The following CREBRF variants were observed in gnomAD, a reference collection of about 807,000 sequenced individuals.
CREBRF encodes CREB3 regulatory factor.
In CREBRF, 5 loss-of-function variants were observed where a neutral mutation model predicts 66.1. That is an observed-to-expected ratio of 0.08 (90% confidence interval 0.04 to 0.16). The LOEUF is 0.16. CREBRF is among the 10% of genes least tolerant of loss of function. CREBRF has a pLI of 1.00. For missense variants in CREBRF, 531 were observed against 744.9 expected, an observed-to-expected ratio of 0.71 and a Z score of 3.34; for synonymous variants, 229 against 264.4, an observed-to-expected ratio of 0.87 and a Z score of 1.30.
chr5:173,085,427 C>G, intron 2 of CREBRF: 9 of 687,146 alleles, frequency 1.3e-5, no homozygotes, highest in East Asian at 6.6e-5. Context: ...TTTTTTTTTT[C>G]TTTTTGGAGA....
At chr5:173,112,449 T>A in intron 7 of CREBRF, 70 bp downstream of exon 7, 1 of 1,132,398 alleles carries the variant, frequency 8.8e-7, no homozygotes, top group South Asian at 1.4e-5. Flanking sequence ...TTTTCTTTGG[T>A]TTGTGATTTG....
intron 7 of CREBRF, among the ~76,000 whole-genome samples, chr5:173,116,858 G>A (rs75486672): frequency 0.13 from 19,942 of 152,126 alleles, 2,214 homozygotes; most frequent in African/African-American, 0.29. Flanking sequence ...GTGTAGGAGG[G>A]TTCTAGTTGG....
chr5:173,085,321 C>G lies in CREBRF; in HGVS notation c.10-1180C>G. 4 of 1,034,254 alleles carry G rather than the reference C, an allele frequency of 3.9e-6. No homozygotes were observed. In the South Asian group the frequency reaches 5.4e-5, roughly 14 times the overall value. The allele number at this position is 1,034,254 out of a possible 1,614,324, so 64.1% of individuals were successfully genotyped here. ...GTCAACACCAGCTATGCAGAAAGGG[C>G]TCTGGAGAGATGTTCATAGCAGCAC... On this transcript the variant is annotated intron_variant, in intron 2 of 8. Transcript: ENST00000296953.
At chr5:173,078,283 G>A (rs965111471) in intron 1 of CREBRF, among the ~76,000 whole-genome samples, 1 of 152,036 alleles carries the variant, frequency 6.6e-6, no homozygotes, top group East Asian at 1.9e-4. Flanking sequence ...AACATTTACT[G>A]TGATGAATGT....
chr5:173,107,918 G>A lies in CREBRF; in HGVS notation c.1223-706G>A, dbSNP rs532205754. 2.7e-3 allele frequency among the ~76,000 whole-genome samples: 388 copies of A among 144,868 alleles called. 1 individual carries two copies. Among genetic ancestry groups the A allele is most frequent in the African/African-American group, 5.4e-3 (215 of 39,498 alleles). On this transcript the variant is annotated intron_variant, in intron 4 of 8. Coordinates refer to ENST00000296953, the MANE Select transcript of CREBRF (RefSeq NM_153607.3). ...ACAATCTCGGCTCACTGCAACATCCGCCTCCTGAGTTCAAGTGATTCTCAT... is the reference window on the plus strand; with the variant it reads ...ACAATCTCGGCTCACTGCAACATCCACCTCCTGAGTTCAAGTGATTCTCAT...
At chr5:173,074,033 T>C (rs1036501216) in intron 1 of CREBRF, among the ~76,000 whole-genome samples, 5 of 151,620 alleles carry the variant, frequency 3.3e-5, no homozygotes, top group South Asian at 4.2e-4. Context: ...CCGGTTGCGG[T>C]GGCTCATGCC....
At chr5:173,098,705 T>C (rs995587886) in intron 4 of CREBRF, among the ~76,000 whole-genome samples, 1 of 152,280 alleles carries the variant, frequency 6.6e-6, no homozygotes, top group Non-Finnish European at 1.5e-5. Context: ...TGAAGTCCCC[T>C]ATATTACCGT....
At chr5:173,081,889 G>A (rs1426360683) in intron 2 of CREBRF, among the ~76,000 whole-genome samples, 1 of 151,562 alleles carries the variant, frequency 6.6e-6, no homozygotes, top group Non-Finnish European at 1.5e-5. Flanking sequence ...TGGGGACAGA[G>A]CAAGCTCTGT....
chr5:173,071,417 C>T (rs927626157), intron 1 of CREBRF, among the ~76,000 whole-genome samples: 2 of 151,966 alleles, frequency 1.3e-5, no homozygotes, highest in African/African-American at 2.4e-5. Context: ...ATCATGTTGG[C>T]CAGGCTGGTC....
At chr5:173,061,036 C>T (rs1757254953) in intron 1 of CREBRF, among the ~76,000 whole-genome samples, 1 of 152,138 alleles carries the variant, frequency 6.6e-6, no homozygotes, top group Non-Finnish European at 1.5e-5. Flanking sequence ...GGCACGATCT[C>T]GGCTCACTGC....
chr5:173,071,055 A>G (rs1175071242), intron 1 of CREBRF, among the ~76,000 whole-genome samples: 1 of 152,158 alleles, frequency 6.6e-6, no homozygotes, highest in Non-Finnish European at 1.5e-5. Context: ...ATATGAGCTA[A>G]GACATGAAGG....
At position 173,108,792 on chromosome 5, in the gene CREBRF, T is replaced by C. The variant is rs1758807298; in HGVS notation, c.1391T>C (p.Met464Thr). 1 of 1,612,048 alleles carries C rather than the reference T, an allele frequency of 6.2e-7. No individual in the cohort carries two copies. Among genetic ancestry groups the C allele is most frequent in the Non-Finnish European group, 8.5e-7 (1 of 1,179,496 alleles). Residue 464 changes from methionine to threonine, a missense_variant, in exon 5 of 9, where the codon ATG (methionine) becomes ACG (threonine). Physicochemically the swap from Met to Thr is moderately conservative, Grantham distance 81. Transcript: ENST00000296953. ...AACCGAGATACTTTGCCAAGTAATA[T>C]GTATCAGAAAAATGGCTTACATCAT... The part of the protein sequence containing the change: ...EWNRDTLPSN[M>T]YQKNGLHHGK...
At chr5:173,088,519 A>G (rs1163796371) in intron 3 of CREBRF, among the ~76,000 whole-genome samples, 2 of 151,584 alleles carry the variant, frequency 1.3e-5, no homozygotes, top group Non-Finnish European at 2.9e-5. Flanking sequence ...GAATGCATCA[A>G]AAATGGTAAA....
intron 2 of CREBRF, 54 bp downstream of exon 2, chr5:173,080,838 A>C: frequency 6.4e-7 from 1 of 1,554,622 alleles, no homozygotes; most frequent in South Asian, 1.1e-5. Flanking sequence ...ACAGAAAGTC[A>C]ATACCTTTGA....
At chr5:173,060,621 T>C (rs1306299346) in intron 1 of CREBRF, among the ~76,000 whole-genome samples, 1 of 152,186 alleles carries the variant, frequency 6.6e-6, no homozygotes, top group Non-Finnish European at 1.5e-5. Flanking sequence ...ACTGACACTT[T>C]CACCATATTC....
Position 173,091,165 on chromosome 5 carries a change from C to T in CREBRF, c.986C>T (p.Ser329Phe), listed in dbSNP as rs759837566. The T allele has an allele frequency of 6.2e-7, 1 of 1,614,156 alleles. No homozygotes were observed. The highest frequency in any genetic ancestry group is 8.5e-7 in the Non-Finnish European group (1 of 1,180,044). The change falls in exon 4 of 9, where the codon TCC becomes TTC. Residue 329 changes from serine to phenylalanine, a missense_variant. By Grantham distance (155) the Ser-to-Phe change is radical. Around this residue, in one of 5 missense-constraint regions of CREBRF, gnomAD observed 309 missense variants for 341.4 expected, o/e 0.90. Coordinates refer to ENST00000296953, the MANE Select transcript of CREBRF (RefSeq NM_153607.3). ...GCCAGTACATCAGTCTCAGATTCATCCCAGAAAAAAGAAGAGCACAATTAT... is the reference window on the plus strand; with the variant it reads ...GCCAGTACATCAGTCTCAGATTCATTCCAGAAAAAAGAAGAGCACAATTAT... ...LSASTSVSDS[S>F]QKKEEHNYSL...
At chr5:173,063,702 G>C (rs1021509117) in intron 1 of CREBRF, among the ~76,000 whole-genome samples, 10 of 149,368 alleles carry the variant, frequency 6.7e-5, no homozygotes, top group African/African-American at 2.2e-4. Context: ...TTAATTTCTT[G>C]ATTAAAAAGA....
At position 173,092,428 on chromosome 5, in the gene CREBRF, T is replaced by C. The variant is rs887387704; in HGVS notation, c.1222+1027T>C. On this transcript the variant is annotated intron_variant, in intron 4 of 8. Transcript: ENST00000296953. Reference sequence around the variant, plus strand: ...TGGTTCACTTTAGCATTTACATGCTTGGGCTTTTGGCGCTGTTGGCTTGTG... The same window carrying C: ...TGGTTCACTTTAGCATTTACATGCTCGGGCTTTTGGCGCTGTTGGCTTGTG... The C allele has an allele frequency of 4.1e-6, 4 of 985,266 alleles. 1 individual carries two copies. In the African/African-American group the frequency reaches 7.0e-5, roughly 17 times the overall value. 61.0% of individuals were successfully genotyped at this position (985,266 alleles called of 1,614,324 possible). A position where few individuals can be genotyped will look rare whatever the true frequency, so the allele number is the denominator to read the frequency against.
rs1245831198 is a variant in CREBRF at position 173,134,359 on chromosome 5, G to C, written c.*614G>C. ...ATATTCTTTGTGCCTTGTATTTTGG[G>C]GAAACTCTAAAACTGGTAATATTTT... On this transcript the variant is annotated 3_prime_UTR_variant, in exon 9 of 9. Coordinates refer to ENST00000296953, the MANE Select transcript of CREBRF (RefSeq NM_153607.3). 9.9e-6 allele frequency: 3 copies of C among 303,120 alleles called. No individual in the cohort carries two copies. Among genetic ancestry groups the C allele is most frequent in the Non-Finnish European group, 2.0e-5 (3 of 150,468 alleles). 18.8% of individuals were successfully genotyped at this position (303,120 alleles called of 1,614,324 possible). A position where few individuals can be genotyped will look rare whatever the true frequency, so the allele number is the denominator to read the frequency against.
Sources: gnomAD v4.1 joint callset for allele counts (sites outside exome capture counted in the v4.1 genomes callset) on GRCh38, gnomAD v4.1.1 for gene constraint, gnomAD v4.1.1 regional missense constraint, MANE v1.5 for transcripts, NCBI Gene and HGNC (gene_info 2026-07-23, HGNC 2026-07-21) for gene names.